DGKI: variants seen among roughly 807,000 people sequenced by gnomAD.
DGKI encodes the protein diacylglycerol kinase iota.
DGKI carries 55 observed loss-of-function variants against 147.5 expected under a neutral mutation model. The observed-to-expected ratio is 0.37, with a 90% CI of 0.30 to 0.47. The LOEUF (loss-of-function observed/expected upper bound fraction) is 0.47, where lower values mean the gene tolerates loss of function less well. DGKI is among the 20% of genes least tolerant of loss of function. DGKI has a pLI of 1.00. For synonymous variants in DGKI, 469 were observed against 477.1 expected, an observed-to-expected ratio of 0.98 and a Z score of 0.22; for missense variants, 1,007 against 1,323.8, an observed-to-expected ratio of 0.76 and a Z score of 3.71.
At chr7:137,634,582 T>C (rs186802719) in intron 6 of DGKI, among the ~76,000 whole-genome samples, 2 of 152,274 alleles carry the variant, frequency 1.3e-5, no homozygotes, top group African/African-American at 2.4e-5. Context: ...ATTGTTATAG[T>C]AAGTGGGACC....
chr7:137,430,617 AT>A (rs1451247464), intron 28 of DGKI, among the ~76,000 whole-genome samples: 2 of 152,102 alleles, frequency 1.3e-5, no homozygotes, highest in Admixed American at 1.3e-4. Flanking sequence ...TAATATGTAT[AT>A]ACTTATACAT....
At chr7:137,591,532 G>C (rs697597) in intron 12 of DGKI, among the ~76,000 whole-genome samples, 1 of 152,074 alleles carries the variant, frequency 6.6e-6, no homozygotes, top group Non-Finnish European at 1.5e-5. Flanking sequence ...CAGCATTCCC[G>C]GAAGACAGCA....
At chr7:137,488,493 C>T (rs1388652864) in intron 21 of DGKI, among the ~76,000 whole-genome samples, 5 of 151,984 alleles carry the variant, frequency 3.3e-5, no homozygotes, top group Non-Finnish European at 7.4e-5. Context: ...TCCTGAAATA[C>T]TGAAAAATAG....
chr7:137,739,691 G>A (rs753337520), intron 1 of DGKI, among the ~76,000 whole-genome samples: 60 of 152,294 alleles, frequency 3.9e-4, no homozygotes, highest in South Asian at 8.3e-4. Context: ...AGGGTTTAGC[G>A]AATGTAAAAA....
chr7:137,671,371 A>T (rs890685500), intron 3 of DGKI, among the ~76,000 whole-genome samples: 1 of 152,216 alleles, frequency 6.6e-6, no homozygotes, highest in Non-Finnish European at 1.5e-5. Flanking sequence ...ACTTGGTAAG[A>T]ATATGGATGC....
At chr7:137,673,212 T>C (rs1822914611) in intron 3 of DGKI, among the ~76,000 whole-genome samples, 1 of 152,128 alleles carries the variant, frequency 6.6e-6, no homozygotes, top group Admixed American at 6.5e-5. Flanking sequence ...GGTACTGAAG[T>C]CCTGAGGCGT....
At chr7:137,704,965 G>C (rs186785402) in intron 1 of DGKI, among the ~76,000 whole-genome samples, 8 of 152,246 alleles carry the variant, frequency 5.3e-5, no homozygotes, top group Non-Finnish European at 1.0e-4. Context: ...ATTCTATGTG[G>C]ATGCTTCACA....
chr7:137,523,316 T>C (rs1817028760), intron 20 of DGKI, among the ~76,000 whole-genome samples: 2 of 152,060 alleles, frequency 1.3e-5, no homozygotes, highest in Non-Finnish European at 2.9e-5. Flanking sequence ...CTCATTTTAG[T>C]GCAAAGTATA....
chr7:137,577,291 C>T lies in DGKI; in HGVS notation c.1699-7G>A. On this transcript the variant is annotated splice_polypyrimidine_tract_variant and splice_region_variant and intron_variant, in intron 16 of 32. Transcript: ENST00000614521. ...GGAAGTCAGAAAAAGCTGCCTATAC[C>T]ACAGGGAAATAAAGAAGAAGAAATT... The T allele has an allele frequency of 6.3e-7, 1 of 1,585,610 alleles. No individual in the cohort carries two copies.
At chr7:137,575,567 G>A (rs933354563) in intron 17 of DGKI, among the ~76,000 whole-genome samples, 3 of 152,204 alleles carry the variant, frequency 2.0e-5, no homozygotes, top group Non-Finnish European at 2.9e-5. Flanking sequence ...ACTGGAAAGG[G>A]CAGTAAAGTT....
chr7:137,571,438 C>A, intron 18 of DGKI, 152 bp from the exon 19 acceptor site: 1 of 615,836 alleles, frequency 1.6e-6, no homozygotes, highest in Admixed American at 3.6e-5. Flanking sequence ...AGGAAATGCA[C>A]TTCTTATCAT....
intron 28 of DGKI, among the ~76,000 whole-genome samples, chr7:137,420,109 C>T (rs1449549378): frequency 3.3e-5 from 5 of 152,164 alleles, no homozygotes; most frequent in African/African-American, 7.2e-5. Context: ...GTACTGGTAT[C>T]GGCTAGGAGC....
At chr7:137,746,010 G>A (rs1225537576) in intron 1 of DGKI, among the ~76,000 whole-genome samples, 1 of 152,014 alleles carries the variant, frequency 6.6e-6, no homozygotes, top group Non-Finnish European at 1.5e-5. Context: ...ATCAAGTTTG[G>A]TTCAATTCAC....
At position 137,388,633 on chromosome 7, in the gene DGKI, C is replaced by T. The variant is rs995815631; in HGVS notation, c.*2587G>A. 6 of 152,092 alleles carry T rather than the reference C, an allele frequency of 3.9e-5. No homozygotes were observed. The highest frequency in any genetic ancestry group is 1.2e-4 in the African/African-American group (5 of 41,406). The allele number at this position is 152,092 out of a possible 1,614,324, so 9.4% of individuals were successfully genotyped here. On this transcript the variant is annotated 3_prime_UTR_variant, in exon 33 of 33. Coordinates refer to ENST00000614521, the MANE Select transcript of DGKI (RefSeq NM_001321708.2). ...ATAAGGCCTTAGCTCTTTCCAAAGCCCAGGACCAATTTTTAAAACATGCTA... is the reference window on the plus strand; with the variant it reads ...ATAAGGCCTTAGCTCTTTCCAAAGCTCAGGACCAATTTTTAAAACATGCTA...
intron 19 of DGKI, among the ~76,000 whole-genome samples, chr7:137,561,818 T>C (rs1447874828): frequency 6.6e-6 from 1 of 152,184 alleles, no homozygotes; most frequent in East Asian, 1.9e-4. Context: ...GACTTTTCAT[T>C]ATAAAATATG....
intron 1 of DGKI, among the ~76,000 whole-genome samples, chr7:137,778,971 C>T (rs1167444798): frequency 6.6e-6 from 1 of 152,110 alleles, no homozygotes; most frequent in East Asian, 1.9e-4. Context: ...ATCATAACTC[C>T]AGCAGGTCTT....
intron 19 of DGKI, among the ~76,000 whole-genome samples, chr7:137,565,712 A>C (rs577373607): frequency 6.6e-6 from 1 of 152,336 alleles, no homozygotes; most frequent in East Asian, 1.9e-4. Flanking sequence ...ACTTAGAAAC[A>C]AACTCAACAT....
intron 12 of DGKI, among the ~76,000 whole-genome samples, chr7:137,593,615 C>T (rs1018411228): frequency 1.3e-5 from 2 of 152,044 alleles, no homozygotes; most frequent in Non-Finnish European, 2.9e-5. Flanking sequence ...ATCCAGCACT[C>T]GAATATAGCT....
intron 1 of DGKI, among the ~76,000 whole-genome samples, chr7:137,794,148 A>T (rs187813588): frequency 6.6e-6 from 1 of 152,342 alleles, no homozygotes; most frequent in African/African-American, 2.4e-5. Context: ...TCTACTGCAC[A>T]TAATAAATAA....
Sources: allele counts gnomAD v4.1 joint callset (sites outside exome capture counted in the v4.1 genomes callset), GRCh38; gene constraint gnomAD v4.1.1; transcripts MANE v1.5; gene names NCBI Gene and HGNC (gene_info 2026-07-23, HGNC 2026-07-21).